Variants in KDM2B observed in about 807,000 individuals in gnomAD.
KDM2B encodes lysine demethylase 2B.
A neutral mutation model predicts 150.0 loss-of-function variants in KDM2B; 26 were observed. The ratio of observed to expected loss-of-function variants is 0.17; its 90% CI spans 0.13 to 0.24. KDM2B has a LOEUF of 0.24. Ranked by LOEUF, KDM2B falls within the 10% of genes least tolerant of loss-of-function variation. The pLI is 1.00. For synonymous variants in KDM2B, 734 were observed against 729.5 expected, an observed-to-expected ratio of 1.01 and a Z score of -0.10; for missense variants, 1,265 against 1,816.9, an observed-to-expected ratio of 0.70 and a Z score of 5.52.
rs1555308415 is a variant in KDM2B at position 121,534,583 on chromosome 12, G to A, written c.691C>T (p.Leu231=). ...MKYPKVKKYC[L]MSVKGCFTDF... Reference sequence around the variant, plus strand: ...GTGAAACAACCTTTCACGCTCATCAGACAGTACCTGCAACACAGAGGCAGG... The same window carrying A: ...GTGAAACAACCTTTCACGCTCATCAAACAGTACCTGCAACACAGAGGCAGG... The change falls in exon 7 of 23, where the codon CTG becomes TTG. Residue 231 remains leucine, a synonymous_variant. Transcript: ENST00000377071. The A allele has an allele frequency of 6.2e-7, 1 of 1,613,272 alleles. No individual in the cohort carries two copies. The highest frequency in any genetic ancestry group is 1.1e-5 in the South Asian group (1 of 91,060).
chr12:121,552,317 G>A (rs184424857), intron 4 of KDM2B, among the ~76,000 whole-genome samples: 2 of 152,116 alleles, frequency 1.3e-5, no homozygotes, highest in African/African-American at 4.8e-5. Context: ...TAATGCCTAA[G>A]CCCAGGTTCC....
Position 121,442,487 on chromosome 12 carries a change from T to C in KDM2B, c.2954A>G (p.Lys985Arg), listed in dbSNP as rs376073032. ...ACGCTCGCAGATGCCCGGGGGCCGC[T>C]TGGGCTCCTCGCCCTCGCTCTCAGG... is the stretch of plus-strand genomic sequence containing the variant. ...SEPESEGEEPKRPPGICERPH... is the reference protein window; with the variant it reads ...SEPESEGEEPRRPPGICERPH... Residue 985 changes from lysine to arginine, a missense_variant, in exon 19 of 23, where the codon AAG becomes AGG. Lys to Arg is a conservative substitution (Grantham distance 26). This residue lies in a region of KDM2B where 418 missense variants were observed against 402.4 expected (regional missense o/e 1.04). Transcript: ENST00000377071. This position sits in a 1 kb window ranked among gnomAD's most constrained non-coding sequence, Gnocchi z 7.7. 4.3e-5 allele frequency: 68 copies of C among 1,599,426 alleles called. No homozygotes were observed. The highest frequency in any genetic ancestry group is 5.8e-5 in the Non-Finnish European group (68 of 1,179,790).
At chr12:121,493,406 A>C (rs1362188840) in intron 12 of KDM2B, among the ~76,000 whole-genome samples, 1 of 152,114 alleles carries the variant, frequency 6.6e-6, no homozygotes, top group African/African-American at 2.4e-5. Context: ...CCATCTTTAT[A>C]ATCAAGGAAA....
chr12:121,438,415 C>T (rs549684218), intron 22 of KDM2B, among the ~76,000 whole-genome samples: 9 of 152,276 alleles, frequency 5.9e-5, no homozygotes, highest in Admixed American at 1.3e-4. Flanking sequence ...ATCTCTGCTA[C>T]GCATCCATAA....
Position 121,478,870 on chromosome 12 carries a change from G to T in KDM2B, c.1734+15709C>A, listed in dbSNP as rs11503160. Among the ~76,000 whole-genome samples the T allele has an allele frequency of 4.3e-4, 12 of 27,588 alleles. No homozygotes were observed. The African/African-American group carries it at 7.0e-3, about 16-fold the overall frequency. The allele number at this position is 27,588 out of a possible 152,430, so 18.1% of individuals were successfully genotyped here. On this transcript the variant is annotated intron_variant, in intron 12 of 22. Coordinates refer to ENST00000377071, the MANE Select transcript of KDM2B (RefSeq NM_032590.5). Reference sequence around the variant, plus strand: ...AACCGGCTAATTTTTGTTTGTTTGTGTGTGTGTGTGTGTGTGTGTGTGTGT... The same window carrying T: ...AACCGGCTAATTTTTGTTTGTTTGTTTGTGTGTGTGTGTGTGTGTGTGTGT...
In KDM2B at chr12:121,442,098, G is replaced by T. The variant is rs928383835; in HGVS notation, c.3284+59C>A. The T allele has an allele frequency of 2.1e-6, 3 of 1,410,068 alleles. No homozygotes were observed. The Admixed American group carries it at 5.2e-5, about 24-fold the overall frequency. The allele number at this position is 1,410,068 out of a possible 1,614,324, so 87.3% of individuals were successfully genotyped here. On this transcript the variant is annotated intron_variant, in intron 19 of 22. Transcript: ENST00000377071. The surrounding 1 kb of genome is among the most constrained non-coding windows in gnomAD (Gnocchi z 7.7). ...CATCGCCAGCGACTCCACACACCAC[G>T]GGCCATCCCTGGTGCCGCCTGAGCC...
At chr12:121,469,777 G>A (rs530871982) in intron 12 of KDM2B, 1 of 151,966 alleles carries the variant, frequency 6.6e-6, no homozygotes, top group South Asian at 2.1e-4. Context: ...GGGGTATAGA[G>A]TCACCCAAAT....
intron 4 of KDM2B, among the ~76,000 whole-genome samples, chr12:121,568,528 A>G (rs1890868973): frequency 1.3e-5 from 2 of 152,230 alleles, no homozygotes; most frequent in South Asian, 4.1e-4. Context: ...ACAACTACAC[A>G]CAACAAACAA....
rs899221892 is a variant in KDM2B, at chr12:121,456,176, A to G, written c.1735-2832T>C. ...GACTCCGGTGCTGTGCACTGAACAC[A>G]CTAAACCACAGCAAATGCATGTGCG... On this transcript the variant is annotated intron_variant, in intron 12 of 22. Coordinates refer to ENST00000377071, the MANE Select transcript of KDM2B (RefSeq NM_032590.5). 3.3e-5 allele frequency among the ~76,000 whole-genome samples: 5 copies of G among 152,220 alleles called. No individual in the cohort carries two copies. The East Asian group carries it at 7.7e-4, about 23-fold the overall frequency.
intron 8 of KDM2B, among the ~76,000 whole-genome samples, chr12:121,529,723 A>C (rs574648379): frequency 4.6e-4 from 70 of 151,926 alleles, no homozygotes; most frequent in African/African-American, 1.6e-3. Context: ...TGACCCTAGG[A>C]GTTCGAGACC....
Position 121,518,354 on chromosome 12 carries a change from A to T in KDM2B, c.1047+2631T>A, listed in dbSNP as rs1363330695. On this transcript the variant is annotated intron_variant, in intron 9 of 22. Coordinates refer to ENST00000377071, the MANE Select transcript of KDM2B (RefSeq NM_032590.5). The surrounding 1 kb of genome is among the most constrained non-coding windows in gnomAD (Gnocchi z 4.4). Reference sequence around the variant, plus strand: ...CTGCCTTGGCTCCTAAGGCATAAACAATTGGGCCTCGTAGCCAAGTCCCTC... The same window carrying T: ...CTGCCTTGGCTCCTAAGGCATAAACTATTGGGCCTCGTAGCCAAGTCCCTC... Among the ~76,000 whole-genome samples the T allele has an allele frequency of 6.6e-6, 1 of 152,114 alleles. No individual in the cohort carries two copies. Among genetic ancestry groups the T allele is most frequent in the African/African-American group, 2.4e-5 (1 of 41,426 alleles).
At chr12:121,548,594 C>T (rs973947218) in intron 6 of KDM2B, among the ~76,000 whole-genome samples, 1 of 152,182 alleles carries the variant, frequency 6.6e-6, no homozygotes, top group Non-Finnish European at 1.5e-5. Context: ...ACACACACAC[C>T]GATGCAGAGG....
chr12:121,439,555 A>AT (rs368373536), intron 22 of KDM2B, among the ~76,000 whole-genome samples: 3,065 of 151,586 alleles, frequency 0.02, 103 homozygotes, highest in African/African-American at 0.07. Context: ...TAATTTTTGT[A>AT]TTTTTTTGTA....
downstream of KDM2B, among the ~76,000 whole-genome samples, chr12:121,427,419 G>A (rs1377381742): frequency 6.6e-6 from 1 of 152,176 alleles, no homozygotes; most frequent in Non-Finnish European, 1.5e-5. Context: ...GCAGGCACCT[G>A]TAGTCCCAAC....
intron 4 of KDM2B, among the ~76,000 whole-genome samples, chr12:121,567,987 C>T (rs1373145226): frequency 6.6e-6 from 1 of 152,002 alleles, no homozygotes; most frequent in Non-Finnish European, 1.5e-5. Context: ...CCTCAGCCTC[C>T]CAAAGTGCTG....
At chr12:121,535,015 C>T (rs527751995) in intron 6 of KDM2B, among the ~76,000 whole-genome samples, 2 of 152,064 alleles carry the variant, frequency 1.3e-5, no homozygotes, top group African/African-American at 4.8e-5. Context: ...GCAGCTGGGC[C>T]CCCTGGAATT....
At chr12:121,516,308 A>G (rs955054376) in intron 9 of KDM2B, 98 of 368,262 alleles carry the variant, frequency 2.7e-4, no homozygotes, top group African/African-American at 1.9e-3. Flanking sequence ...GCTGCACTTC[A>G]GGAGGGAAAG....
At chr12:121,503,280 T>C (rs1389776236) in intron 11 of KDM2B, among the ~76,000 whole-genome samples, 8 of 149,888 alleles carry the variant, frequency 5.3e-5, no homozygotes, top group Non-Finnish European at 1.2e-4. Context: ...GCCCGGGCTG[T>C]GGTGTTTTGT....
In KDM2B at chr12:121,430,308, G is replaced by A. The variant is rs1872794629; in HGVS notation, c.3991C>T (p.Leu1331Phe). ...SVQFGQVEEK[L>F]LQKLS Reference sequence around the variant, plus strand: ...TTGGACTAACTCAGTTTTTGCAGGAGTTTTTCTTCTACTTGCCCAAACTGG... The same window carrying A: ...TTGGACTAACTCAGTTTTTGCAGGAATTTTTCTTCTACTTGCCCAAACTGG... Residue 1331 changes from leucine (L) to phenylalanine (F), a missense_variant, in exon 23 of 23, where the codon CTC becomes TTC. By Grantham distance (22) the Leu-to-Phe change is conservative (BLOSUM62 0). Coordinates refer to ENST00000377071, the MANE Select transcript of KDM2B (RefSeq NM_032590.5). The surrounding 1 kb of genome is among the most constrained non-coding windows in gnomAD (Gnocchi z 4.4). 6.2e-6 allele frequency: 10 copies of A among 1,614,130 alleles called. No homozygotes were observed. Among genetic ancestry groups the A allele is most frequent in the Non-Finnish European group, 5.1e-6 (6 of 1,180,024 alleles).
Sources: gnomAD v4.1 joint callset for allele counts (sites outside exome capture counted in the v4.1 genomes callset) on GRCh38, gnomAD v4.1.1 for gene constraint, gnomAD v4.1.1 regional missense constraint, Gnocchi (gnomAD v3.1) non-coding constraint, MANE v1.5 for transcripts, NCBI Gene and HGNC (gene_info 2026-07-23, HGNC 2026-07-21) for gene names.